Variants in HLA-DOB observed in about 807,000 individuals in gnomAD.
HLA-DOB encodes major histocompatibility complex, class II, DO beta, also known as HLA class II histocompatibility antigen, DO beta chain.
A neutral mutation model predicts 27.7 loss-of-function variants in HLA-DOB; 25 were observed. The ratio of observed to expected loss-of-function variants is 0.90; its 90% CI spans 0.66 to 1.26. The LOEUF (loss-of-function observed/expected upper bound fraction) is 1.26. HLA-DOB is among the 50% of genes most tolerant of loss of function. The pLI, the probability that HLA-DOB is intolerant of heterozygous loss-of-function variation, is 0.00. For synonymous variants in HLA-DOB, 137 were observed against 125.6 expected (o/e 1.09, Z -0.61); for missense variants, 306 against 324.9 (o/e 0.94, Z 0.45).
chr6:32,816,820 C>G, intron 1 of HLA-DOB, 41 bp downstream of exon 1: 1 of 1,523,352 alleles, frequency 6.6e-7, no homozygotes, highest in Non-Finnish European at 9.1e-7. Context: ...CATGCCAATT[C>G]TTGCATACAC....
chr6:32,814,899 A>G, intron 2 of HLA-DOB, 145 bp downstream of exon 2: 1 of 986,390 alleles, frequency 1.0e-6, no homozygotes, highest in Non-Finnish European at 1.5e-6. Flanking sequence ...ACTTGTGAGG[A>G]TAATATATCA....
chr6:32,813,523 A>T (rs1562302071), intron 4 of HLA-DOB, 52 bp from the exon 5 acceptor site: 1 of 1,593,468 alleles, frequency 6.3e-7, no homozygotes. Flanking sequence ...ACCCAATATG[A>T]TTATCCCGAG....
At chr6:32,815,345 C>T in intron 1 of HLA-DOB, 32 bp from the exon 2 acceptor site, 2 of 1,612,144 alleles carry the variant, frequency 1.2e-6, no homozygotes, top group Non-Finnish European at 1.7e-6. Flanking sequence ...CATGAACCAG[C>T]CCCCTCCTCT....
chr6:32,813,530 C>G, intron 4 of HLA-DOB, 59 bp from the exon 5 acceptor site: 2 of 1,581,756 alleles, frequency 1.3e-6, no homozygotes, highest in Non-Finnish European at 1.7e-6. Flanking sequence ...ATGATTATCC[C>G]GAGGGAAGAA....
rs754818344 is a variant in HLA-DOB, at chr6:32,813,457, G to C, written c.769C>G (p.Gln257Glu). 1.9e-6 allele frequency: 3 copies of C among 1,612,976 alleles called. No individual in the cohort carries two copies. In the African/African-American group the frequency reaches 4.0e-5, roughly 22 times the overall value. The change falls in exon 5 of 6, where the codon CAG (glutamine) becomes GAG (glutamate). Residue 257 changes from glutamine (Q) to glutamate (E), a missense_variant. Coordinates refer to ENST00000438763, the MANE Select transcript of HLA-DOB (RefSeq NM_002120.4). ...GACATTACCTCATTACCAGACATCT[G>C]CGTCCTCACATATCCTGGAAAGAAA... The part of the protein sequence containing the change: ...LRAQKGYVRT[Q>E]MSGNEVSRAV...
chr6:32,814,805 C>T (rs2071474), intron 2 of HLA-DOB, among the ~76,000 whole-genome samples: 42,147 of 152,040 alleles, frequency 0.28, 6,386 homozygotes, highest in South Asian at 0.4. Context: ...GGTACTCCCA[C>T]AATTACTGCT....
rs1370105598 is a variant in HLA-DOB at position 32,815,218 on chromosome 6, A to C, written c.187T>G (p.Tyr63Asp). Reference sequence around the variant, plus strand: ...CCCACATCACTGTCGAAACGTACATACTCCTCCAAGTTAAAGATGAATCTG... The same window carrying C: ...CCCACATCACTGTCGAAACGTACATCCTCCTCCAAGTTAAAGATGAATCTG... ...VVRFIFNLEE[Y>D]VRFDSDVGMF... The change falls in exon 2 of 6, where the codon TAT (tyrosine) becomes GAT (aspartate). Residue 63 changes from tyrosine (Y) to aspartate (D), a missense_variant. By Grantham distance (160) the Tyr-to-Asp change is radical. Transcript: ENST00000438763. The C allele has an allele frequency of 6.2e-7, 1 of 1,614,052 alleles. No individual in the cohort carries two copies. The highest frequency in any genetic ancestry group is 8.5e-7 in the Non-Finnish European group (1 of 1,180,028).
intron 1 of HLA-DOB, 34 bp from the exon 2 acceptor site, chr6:32,815,347 C>A (rs2127325423): frequency 6.2e-7 from 1 of 1,612,178 alleles, no homozygotes; most frequent in South Asian, 1.1e-5. Context: ...TGAACCAGCC[C>A]CCTCCTCTGG....
At position 32,815,104 on chromosome 6, in the gene HLA-DOB, C is replaced by T. The variant is rs754523851; in HGVS notation, c.301G>A (p.Val101Met). 6.2e-6 allele frequency: 10 copies of T among 1,614,092 alleles called. No homozygotes were observed. Among genetic ancestry groups the T allele is most frequent in the East Asian group, 2.2e-5 (1 of 44,896 alleles). The stretch of plus-strand genomic sequence containing the variant: ...TAGTTGTGTCTACAGACCCCATCCA[C>T]GGCCTGTCTGCTCCTCTCCAAGAGA... ...LDLLERSRQA[V>M]DGVCRHNYRL... Residue 101 changes from valine (V) to methionine (M), a missense_variant, in exon 2 of 6, where the codon GTG becomes ATG. By Grantham distance (21) the Val-to-Met change is conservative (BLOSUM62 1). Transcript: ENST00000438763.
Position 32,815,159 on chromosome 6 carries a change from T to C in HLA-DOB, c.246A>G (p.Pro82=). 1 of 1,614,248 alleles carries C rather than the reference T, an allele frequency of 6.2e-7. No individual in the cohort carries two copies. Among genetic ancestry groups the C allele is most frequent in the Non-Finnish European group, 8.5e-7 (1 of 1,180,044 alleles). Residue 82 remains proline (P), a synonymous_variant, in exon 2 of 6, where the codon CCA becomes CCG. Transcript: ENST00000438763. ...MFVALTKLGQ[P]DAEQWNSRLD... ...GCCGGCTGTTCCACTGCTCAGCATC[T>C]GGCTGCCCCAGCTTGGTCAATGCCA...
At position 32,813,085 on chromosome 6, in the gene HLA-DOB, G is replaced by A. The variant is rs1424495929; in HGVS notation, c.*131C>T. 51 of 843,600 alleles carry A rather than the reference G, an allele frequency of 6.0e-5. No homozygotes were observed. In the South Asian group the frequency reaches 6.9e-4, roughly 11 times the overall value. 52.3% of individuals were successfully genotyped at this position (843,600 alleles called of 1,614,324 possible). A position where few individuals can be genotyped will look rare whatever the true frequency, so the allele number is the denominator to read the frequency against. On this transcript the variant is annotated 3_prime_UTR_variant, in exon 6 of 6. Transcript: ENST00000438763. The stretch of plus-strand genomic sequence containing the variant: ...GAACACAGAGCTCCAGAATCAGTTC[G>A]GGCTCCTCCAAGGATCAGGGAAGAG...
Position 32,814,586 on chromosome 6 carries a change from G to A in HLA-DOB, c.377C>T (p.Thr126Ile). ...TVGRKVQPEVTVYPERTPLLH... is the reference protein window; with the variant it reads ...TVGRKVQPEVIVYPERTPLLH... ...GAGTGGGGTCCTCTCTGGGTACACT[G>A]TCACCTCTGGTTGCACTAGGAAGGG... Residue 126 changes from threonine to isoleucine, a missense_variant, in exon 3 of 6, where the codon ACA becomes ATA. Coordinates refer to ENST00000438763, the MANE Select transcript of HLA-DOB (RefSeq NM_002120.4). The A allele has an allele frequency of 6.2e-7, 1 of 1,612,322 alleles. No individual in the cohort carries two copies. Among genetic ancestry groups the A allele is most frequent in the Non-Finnish European group, 8.5e-7 (1 of 1,179,458 alleles).
chr6:32,813,121 A>G lies in HLA-DOB; in HGVS notation c.*95T>C, dbSNP rs1767864178. ...AGGATCAGGGAAGAGAGTTATTCCCAGAACATTGACCTCATGAATGTCCTT... is the reference window on the plus strand; with the variant it reads ...AGGATCAGGGAAGAGAGTTATTCCCGGAACATTGACCTCATGAATGTCCTT... On this transcript the variant is annotated 3_prime_UTR_variant, in exon 6 of 6. Transcript: ENST00000438763. The G allele has an allele frequency of 1.8e-6, 2 of 1,122,256 alleles. No homozygotes were observed. The highest frequency in any genetic ancestry group is 1.5e-5 in the African/African-American group (1 of 65,446). The allele number at this position is 1,122,256 out of a possible 1,614,324, so 69.5% of individuals were successfully genotyped here.
chr6:32,815,352 C>T (rs777961032), intron 1 of HLA-DOB, 39 bp from the exon 2 acceptor site: 2 of 1,611,294 alleles, frequency 1.2e-6, no homozygotes, highest in Non-Finnish European at 1.7e-6. Flanking sequence ...CAGCCCCCTC[C>T]TCTGGGAAAA....
At position 32,815,258 on chromosome 6, in the gene HLA-DOB, C is replaced by A. The variant is rs201748352; in HGVS notation, c.147G>T (p.Lys49Asn). ...AGATGAATCTGACCACAAACTGCAC[C>A]TTTTCTGTCCCGTTGGTGAAGTAAC... ...ADCYFTNGTEKVQFVVRFIFN... is the reference protein window; with the variant it reads ...ADCYFTNGTENVQFVVRFIFN... Residue 49 changes from lysine to asparagine, a missense_variant, in exon 2 of 6, where the codon AAG (lysine) becomes AAT (asparagine). Physicochemically the swap from Lys to Asn is moderately conservative, Grantham distance 94. Coordinates refer to ENST00000438763, the MANE Select transcript of HLA-DOB (RefSeq NM_002120.4). The A allele has an allele frequency of 1.2e-6, 2 of 1,614,226 alleles. No homozygotes were observed. The highest frequency in any genetic ancestry group is 1.7e-6 in the Non-Finnish European group (2 of 1,180,046).
Position 32,813,062 on chromosome 6 carries a change from A to G in HLA-DOB, c.*154T>C. 1 of 734,140 alleles carries G rather than the reference A, an allele frequency of 1.4e-6. No homozygotes were observed. Among genetic ancestry groups the G allele is most frequent in the East Asian group, 2.5e-5 (1 of 40,206 alleles). The allele number at this position is 734,140 out of a possible 1,614,324, so 45.5% of individuals were successfully genotyped here. On this transcript the variant is annotated 3_prime_UTR_variant, in exon 6 of 6. Transcript: ENST00000438763. ...TGGGTGGGAGATGCATGATCTCAGA[A>G]CACAGAGCTCCAGAATCAGTTCGGG...
At chr6:32,816,226 T>G (rs372145761) in intron 1 of HLA-DOB, among the ~76,000 whole-genome samples, 1 of 152,206 alleles carries the variant, frequency 6.6e-6, no homozygotes, top group African/African-American at 2.4e-5. Context: ...TTCTGCTCAT[T>G]AATATGTGCT....
chr6:32,815,146 A>G lies in HLA-DOB; in HGVS notation c.259T>C (p.Trp87Arg). The G allele has an allele frequency of 6.2e-7, 1 of 1,614,118 alleles. No homozygotes were observed. Among genetic ancestry groups the G allele is most frequent in the East Asian group, 2.2e-5 (1 of 44,884 alleles). Residue 87 changes from tryptophan to arginine, a missense_variant, in exon 2 of 6, where the codon TGG (tryptophan) becomes CGG (arginine). By Grantham distance (101) the Trp-to-Arg change is moderately radical (BLOSUM62 -3). Transcript: ENST00000438763. ...TCCAAGAGATCCAGCCGGCTGTTCC[A>G]CTGCTCAGCATCTGGCTGCCCCAGC... ...TKLGQPDAEQ[W>R]NSRLDLLERS...
At chr6:32,816,479 G>T (rs998792281) in intron 1 of HLA-DOB, among the ~76,000 whole-genome samples, 1 of 152,050 alleles carries the variant, frequency 6.6e-6, no homozygotes, top group East Asian at 1.9e-4. Context: ...ATTTGTTTCC[G>T]TGTCCTGACC....
Sources: allele counts gnomAD v4.1 joint callset (sites outside exome capture counted in the v4.1 genomes callset), GRCh38; gene constraint gnomAD v4.1.1; transcripts MANE v1.5; gene names NCBI Gene and HGNC (gene_info 2026-07-23, HGNC 2026-07-21).